Variants in RBPJ observed in about 807,000 individuals in gnomAD.
RBPJ encodes the protein recombination signal binding protein for immunoglobulin kappa J region.
In RBPJ, 9 loss-of-function variants were observed where a neutral mutation model predicts 67.8. The ratio of observed to expected loss-of-function variants is 0.13; its 90% CI spans 0.08 to 0.23. The LOEUF (loss-of-function observed/expected upper bound fraction) is 0.23, where lower values mean the gene tolerates loss of function less well. Among genes scored for constraint, RBPJ ranks in the 10% least tolerant of loss-of-function variants. The pLI, the probability that RBPJ is intolerant of heterozygous loss-of-function variation, is 1.00. For missense variants in RBPJ, 305 were observed against 595.6 expected (o/e 0.51, Z 5.08); for synonymous variants, 198 against 203.3 (o/e 0.97, Z 0.22).
intron 1 of RBPJ, among the ~76,000 whole-genome samples, chr4:26,277,402 A>T (rs1287168842): frequency 1.3e-5 from 2 of 152,164 alleles, no homozygotes; most frequent in African/African-American, 4.8e-5. Context: ...ATGATTTAGG[A>T]ATCTCCACCT....
intron 5 of RBPJ, among the ~76,000 whole-genome samples, chr4:26,422,953 G>A (rs1003765800): frequency 2.0e-5 from 3 of 152,056 alleles, no homozygotes; most frequent in African/African-American, 7.2e-5. Context: ...AGTTTATATT[G>A]TGATATGTCC....
intron 1 of RBPJ, among the ~76,000 whole-genome samples, chr4:26,308,428 T>C (rs1332608251): frequency 6.6e-6 from 1 of 152,236 alleles, no homozygotes; most frequent in African/African-American, 2.4e-5. Flanking sequence ...TAAGAGACTT[T>C]TTTCTTGCAG....
chr4:26,256,099 T>C (rs1005289403), intron 1 of RBPJ, among the ~76,000 whole-genome samples: 33 of 152,166 alleles, frequency 2.2e-4, no homozygotes, highest in African/African-American at 8.0e-4. Flanking sequence ...GTTGGAGATA[T>C]TTTATGCATA....
intron 1 of RBPJ, among the ~76,000 whole-genome samples, chr4:26,249,591 G>T (rs1435239228): frequency 6.6e-6 from 1 of 151,810 alleles, no homozygotes; most frequent in Non-Finnish European, 1.5e-5. Flanking sequence ...AACCTGGGAG[G>T]CAGAGATTGC....
At chr4:26,129,301 G>T in the RBPJ span, among the ~76,000 whole-genome samples, 1 of 152,186 alleles carries the variant, frequency 6.6e-6, no homozygotes, top group Non-Finnish European at 1.5e-5. Context: ...CATTTCAAAG[G>T]AGCCTAAGAG....
intron 1 of RBPJ, among the ~76,000 whole-genome samples, chr4:26,200,398 G>A (rs1717940651): frequency 6.6e-6 from 1 of 152,108 alleles, no homozygotes; most frequent in Admixed American, 6.5e-5. Flanking sequence ...GCCAGATACG[G>A]TGGCCCATGC....
intron 1 of RBPJ, among the ~76,000 whole-genome samples, chr4:26,355,772 G>A (rs1374270272): frequency 6.6e-6 from 1 of 152,182 alleles, no homozygotes; most frequent in Non-Finnish European, 1.5e-5. Context: ...CCCCACTGGG[G>A]ACTGCAGGTA....
At chr4:26,360,780 T>A (rs1727971407) in intron 1 of RBPJ, among the ~76,000 whole-genome samples, 1 of 151,320 alleles carries the variant, frequency 6.6e-6, no homozygotes. Context: ...TTTTTTCTTT[T>A]GGTATTTTTA....
At chr4:26,126,088 A>C in the RBPJ span, among the ~76,000 whole-genome samples, 3 of 152,230 alleles carry the variant, frequency 2.0e-5, no homozygotes, top group South Asian at 2.1e-4. Context: ...CCATCTTTGC[A>C]TTCCTGAAGG....
intron 2 of RBPJ, among the ~76,000 whole-genome samples, chr4:26,386,729 G>A (rs1730955884): frequency 6.6e-6 from 1 of 152,142 alleles, no homozygotes; most frequent in Admixed American, 6.5e-5. Context: ...AGATTTGAAA[G>A]TAAATGCTTT....
chr4:26,335,701 C>A (rs919700684), intron 1 of RBPJ, among the ~76,000 whole-genome samples: 22 of 149,982 alleles, frequency 1.5e-4, no homozygotes, highest in African/African-American at 5.2e-4. Flanking sequence ...CTCACTGCAG[C>A]CTCCACCTCC....
the RBPJ span, among the ~76,000 whole-genome samples, chr4:26,155,288 A>G: frequency 5.3e-5 from 8 of 152,230 alleles, no homozygotes; most frequent in Admixed American, 4.6e-4. Flanking sequence ...GCTGAGCGCC[A>G]TTTCCATCTT....
At chr4:26,113,361 CA>C in the RBPJ span, 1 of 545,480 alleles carries the variant, frequency 1.8e-6, no homozygotes, top group South Asian at 1.8e-5. Context: ...TGGGAGAAGT[CA>C]AACTTCACTC....
the RBPJ span, among the ~76,000 whole-genome samples, chr4:26,109,573 C>CTA: frequency 1.0e-4 from 6 of 58,586 alleles, 1 homozygote; most frequent in Non-Finnish European, 2.2e-4. Context: ...CTCTCTCTCT[C>CTA]TCTCTCTATA....
intron 1 of RBPJ, among the ~76,000 whole-genome samples, chr4:26,235,798 G>T (rs1719434128): frequency 6.6e-6 from 1 of 152,190 alleles, no homozygotes. Context: ...CTGCCAGTTA[G>T]GACTGGATCC....
At chr4:26,326,131 T>A (rs1227126877) in intron 1 of RBPJ, among the ~76,000 whole-genome samples, 1 of 152,136 alleles carries the variant, frequency 6.6e-6, no homozygotes, top group Non-Finnish European at 1.5e-5. Flanking sequence ...GGCACAATTT[T>A]AAAATTGTGT....
upstream of RBPJ, among the ~76,000 whole-genome samples, chr4:26,317,276 G>A (rs1038467561): frequency 6.6e-6 from 1 of 151,938 alleles, no homozygotes; most frequent in African/African-American, 2.4e-5. Flanking sequence ...GGTGACATCA[G>A]GCAAAGACAA....
At chr4:26,176,840 C>T (rs1716810560) in intron 1 of RBPJ, among the ~76,000 whole-genome samples, 1 of 152,364 alleles carries the variant, frequency 6.6e-6, no homozygotes, top group African/African-American at 2.4e-5. Context: ...GCGTGTGCAG[C>T]CCAGTTGCCT....
At chr4:26,108,515 A>G in the RBPJ span, among the ~76,000 whole-genome samples, 35 of 152,364 alleles carry the variant, frequency 2.3e-4, no homozygotes, top group African/African-American at 8.4e-4. Context: ...GCCTGAAAAT[A>G]AACCCTCACT....
Sources: allele counts gnomAD v4.1 joint callset (sites outside exome capture counted in the v4.1 genomes callset), GRCh38; gene constraint gnomAD v4.1.1; transcripts MANE v1.5; gene names NCBI Gene and HGNC (gene_info 2026-07-23, HGNC 2026-07-21).